The following SMPDL3B variants were observed in gnomAD, a reference collection of about 807,000 sequenced individuals.
SMPDL3B encodes sphingomyelin phosphodiesterase acid like 3B.
SMPDL3B carries 31 observed loss-of-function variants against 37.9 expected under a neutral mutation model. That is an observed-to-expected ratio of 0.82 (90% CI 0.61 to 1.10). The LOEUF is 1.10. Ranked by LOEUF, SMPDL3B falls within the 50% of genes least tolerant of loss-of-function variation. SMPDL3B has a pLI of 0.00. For missense variants in SMPDL3B, 525 were observed against 597.8 expected (o/e 0.88, Z 1.27); for synonymous variants, 235 against 242.6 (o/e 0.97, Z 0.29).
rs752135504 is a variant in SMPDL3B at position 27,945,471 on chromosome 1, C to T, written c.275+26C>T. On this transcript the variant is annotated intron_variant, in intron 2 of 7. Transcript: ENST00000373894. The surrounding 1 kb of genome is among the most constrained non-coding windows in gnomAD (Gnocchi z 4.0). Reference sequence around the variant, plus strand: ...GTGAGTACAGTTGAGGTGGCAGCTACCCTTTGCCAGGCATCTGCTATGTGC... The same window carrying T: ...GTGAGTACAGTTGAGGTGGCAGCTATCCTTTGCCAGGCATCTGCTATGTGC... 6.3e-7 allele frequency: 1 copy of T among 1,592,814 alleles called. No individual in the cohort carries two copies. The highest frequency in any genetic ancestry group is 1.7e-5 in the Admixed American group (1 of 59,774).
chr1:27,957,036 G>A (rs1638309829), intron 7 of SMPDL3B, among the ~76,000 whole-genome samples: 1 of 152,182 alleles, frequency 6.6e-6, no homozygotes, highest in Non-Finnish European at 1.5e-5. Context: ...AGAGGCACAA[G>A]GGGAGAGTGG....
intron 1 of SMPDL3B, among the ~76,000 whole-genome samples, chr1:27,944,750 T>A (rs1248043212): frequency 6.6e-6 from 1 of 151,896 alleles, no homozygotes; most frequent in African/African-American, 2.4e-5. Flanking sequence ...TTTTTTTAAT[T>A]TTCCAAGAAA....
Position 27,959,112 on chromosome 1 carries a change from A to G in SMPDL3B, c.*274A>G. On this transcript the variant is annotated 3_prime_UTR_variant, in exon 8 of 8. Transcript: ENST00000373894. Reference sequence around the variant, plus strand: ...CCCTACAAGCATACTTCTTTTGCGTATTATGTTTAACTCACAAAACAAAGC... The same window carrying G: ...CCCTACAAGCATACTTCTTTTGCGTGTTATGTTTAACTCACAAAACAAAGC... 1 of 453,842 alleles carries G rather than the reference A, an allele frequency of 2.2e-6. No individual in the cohort carries two copies. 28.1% of individuals were successfully genotyped at this position (453,842 alleles called of 1,614,324 possible).
intron 2 of SMPDL3B, among the ~76,000 whole-genome samples, chr1:27,947,237 T>C (rs1022142380): frequency 1.2e-4 from 19 of 152,008 alleles, no homozygotes; most frequent in African/African-American, 3.6e-4. Context: ...GGTTTCTCCA[T>C]GTTGGTGAGA....
chr1:27,936,629 T>C (rs2090309906), intron 1 of SMPDL3B: 1 of 152,210 alleles, frequency 6.6e-6, no homozygotes, highest in South Asian at 2.1e-4. Flanking sequence ...GGCTGTACTA[T>C]GCTTCATGTC....
At position 27,953,345 on chromosome 1, in the gene SMPDL3B, T is replaced by C; in HGVS notation, c.504T>C (p.Ala168=). 6.2e-7 allele frequency: 1 copy of C among 1,610,510 alleles called. No homozygotes were observed. The highest frequency in any genetic ancestry group is 8.5e-7 in the Non-Finnish European group (1 of 1,178,916). Residue 168 remains alanine, a synonymous_variant, in exon 4 of 8, where the codon GCT becomes GCC. Coordinates refer to ENST00000373894, the MANE Select transcript of SMPDL3B (RefSeq NM_014474.4). The stretch of plus-strand genomic sequence containing the variant: ...CCTGGCTTAGTAATGAGTCCATCGC[T>C]CTCTTCAAAAAAGGTACCAACACCA... ...WKPWLSNESI[A]LFKKGAFYCE...
chr1:27,938,619 G>T (rs1375094643), intron 1 of SMPDL3B, among the ~76,000 whole-genome samples: 2 of 152,254 alleles, frequency 1.3e-5, no homozygotes, highest in African/African-American at 4.8e-5. Context: ...CATACACACA[G>T]ATGGTCCCTG....
chr1:27,955,974 C>A lies in SMPDL3B; in HGVS notation c.897C>A (p.Ile299=). Residue 299 remains isoleucine, a synonymous_variant, in exon 7 of 8, where the codon ATC becomes ATA. Coordinates refer to ENST00000373894, the MANE Select transcript of SMPDL3B (RefSeq NM_014474.4). The part of the protein sequence containing the change: ...DAGVPISAMF[I]TPGVTPWKTT... ...GTGTCCCCATAAGCGCCATGTTCATCACACCTGGAGTCACCCCATGGAAAA... is the reference window on the plus strand; with the variant it reads ...GTGTCCCCATAAGCGCCATGTTCATAACACCTGGAGTCACCCCATGGAAAA... 6.2e-7 allele frequency: 1 copy of A among 1,614,104 alleles called. No individual in the cohort carries two copies.
intron 1 of SMPDL3B, among the ~76,000 whole-genome samples, chr1:27,944,012 CAA>C (rs5773206): frequency 1.2e-3 from 108 of 92,268 alleles, no homozygotes; most frequent in Admixed American, 1.6e-3. Flanking sequence ...AACTCTGTCT[CAA>C]AAAAAAAAAA....
chr1:27,951,537 C>G (rs927341357), intron 3 of SMPDL3B, among the ~76,000 whole-genome samples: 1 of 152,202 alleles, frequency 6.6e-6, no homozygotes, highest in African/African-American at 2.4e-5. Flanking sequence ...AACACAGGCA[C>G]GCAAGGCAAA....
chr1:27,940,777 A>C (rs971337314), intron 1 of SMPDL3B, among the ~76,000 whole-genome samples: 16 of 152,226 alleles, frequency 1.1e-4, no homozygotes, highest in Non-Finnish European at 2.2e-4. Flanking sequence ...TAACTTTAAC[A>C]AGATCCCCAG....
rs767384549 is a variant in SMPDL3B at position 27,958,657 on chromosome 1, ACT to A, written c.1189_1190del (p.Val398GlnfsTer25). The stretch of plus-strand genomic sequence containing the variant: ...ACACTGCAGCGCTACTACGTCTATA[ACT>A]CAGTCAGCTACTCTGCTGGGGTCTG... On this transcript the variant is annotated frameshift_variant, in exon 8 of 8. Transcript: ENST00000373894. LOFTEE classifies it low-confidence loss of function (END_TRUNC). This position sits in a 1 kb window ranked among gnomAD's most constrained non-coding sequence, Gnocchi z 5.6. 3.1e-6 allele frequency: 5 copies of A among 1,613,978 alleles called. No homozygotes were observed. Among genetic ancestry groups the A allele is most frequent in the African/African-American group, 1.3e-5 (1 of 75,062 alleles).
At position 27,955,962 on chromosome 1, in the gene SMPDL3B, C is replaced by T. The variant is rs1185586749; in HGVS notation, c.885C>T (p.Ser295=). Residue 295 remains serine (S), a synonymous_variant, in exon 7 of 8, where the codon AGC becomes AGT. Coordinates refer to ENST00000373894, the MANE Select transcript of SMPDL3B (RefSeq NM_014474.4). ...MLYDDAGVPI[S]AMFITPGVTP... is the part of the protein sequence containing the mutation. Reference sequence around the variant, plus strand: ...CTCTCCTGACAGGTGTCCCCATAAGCGCCATGTTCATCACACCTGGAGTCA... The same window carrying T: ...CTCTCCTGACAGGTGTCCCCATAAGTGCCATGTTCATCACACCTGGAGTCA... 1.2e-6 allele frequency: 2 copies of T among 1,614,020 alleles called. No individual in the cohort carries two copies. Among genetic ancestry groups the T allele is most frequent in the Non-Finnish European group, 1.7e-6 (2 of 1,179,996 alleles).
At position 27,935,253 on chromosome 1, in the gene SMPDL3B, C is replaced by T. The variant is rs777329883; in HGVS notation, c.61+9C>T. 2 of 1,603,518 alleles carry T rather than the reference C, an allele frequency of 1.2e-6. No individual in the cohort carries two copies. Among genetic ancestry groups the T allele is most frequent in the Admixed American group, 3.3e-5 (2 of 59,962 alleles). The stretch of plus-strand genomic sequence containing the variant: ...TGCCAGGGCTGAACCAGGTACAGCA[C>T]TGGGAATGTCTGCTATGCCTTTGTT... On this transcript the variant is annotated intron_variant, in intron 1 of 7. Coordinates refer to ENST00000373894, the MANE Select transcript of SMPDL3B (RefSeq NM_014474.4).
intron 3 of SMPDL3B, among the ~76,000 whole-genome samples, chr1:27,952,192 C>T (rs1364995392): frequency 1.3e-5 from 2 of 150,826 alleles, no homozygotes; most frequent in Non-Finnish European, 3.0e-5. Context: ...TAAATGGATT[C>T]TTAATGGCTG....
chr1:27,958,952 C>A lies in SMPDL3B; in HGVS notation c.*114C>A. The A allele has an allele frequency of 1.6e-6, 2 of 1,276,230 alleles. No homozygotes were observed. The highest frequency in any genetic ancestry group is 2.1e-6 in the Non-Finnish European group (2 of 954,024). 79.1% of individuals were successfully genotyped at this position (1,276,230 alleles called of 1,614,324 possible). A position where few individuals can be genotyped will look rare whatever the true frequency, so the allele number is the denominator to read the frequency against. On this transcript the variant is annotated 3_prime_UTR_variant, in exon 8 of 8. Transcript: ENST00000373894. This position sits in a 1 kb window ranked among gnomAD's most constrained non-coding sequence, Gnocchi z 5.6. ...GCCTGAGGAGTGAACTGAAATAGGA[C>A]AACCGAATCAGGAAGCGAAGCCCCA...
intron 5 of SMPDL3B, among the ~76,000 whole-genome samples, chr1:27,954,740 G>T (rs890080338): frequency 6.6e-6 from 1 of 152,176 alleles, no homozygotes; most frequent in African/African-American, 2.4e-5. Flanking sequence ...GGCTCATAAA[G>T]AGTGGTGACG....
Position 27,958,640 on chromosome 1 carries a change from G to C in SMPDL3B, c.1170G>C (p.Gln390His), listed in dbSNP as rs761626098. Residue 390 changes from glutamine (Q) to histidine (H), a missense_variant, in exon 8 of 8, where the codon CAG becomes CAC. Gln to His is a conservative substitution (Grantham distance 24, BLOSUM62 0). Coordinates refer to ENST00000373894, the MANE Select transcript of SMPDL3B (RefSeq NM_014474.4). This position sits in a 1 kb window ranked among gnomAD's most constrained non-coding sequence, Gnocchi z 5.6. ...DRIAGDQSTLQRYYVYNSVSY... is the reference protein window; with the variant it reads ...DRIAGDQSTLHRYYVYNSVSY... ...TCGCTGGCGACCAGAGCACACTGCA[G>C]CGCTACTACGTCTATAACTCAGTCA... The C allele has an allele frequency of 4.3e-6, 7 of 1,613,898 alleles. No homozygotes were observed. Among genetic ancestry groups the C allele is most frequent in the Non-Finnish European group, 5.9e-6 (7 of 1,179,930 alleles).
chr1:27,958,634 A>G lies in SMPDL3B; in HGVS notation c.1164A>G (p.Thr388=), dbSNP rs1268723862. ...VLDRIAGDQS[T]LQRYYVYNSV... is the part of the protein sequence containing the mutation. ...ACCGCATCGCTGGCGACCAGAGCAC[A>G]CTGCAGCGCTACTACGTCTATAACT... The change falls in exon 8 of 8, where the codon ACA becomes ACG. Residue 388 remains threonine, a synonymous_variant. Transcript: ENST00000373894. The surrounding 1 kb of genome is among the most constrained non-coding windows in gnomAD (Gnocchi z 5.6). The G allele has an allele frequency of 1.8e-5, 29 of 1,613,622 alleles. No homozygotes were observed. Among genetic ancestry groups the G allele is most frequent in the Non-Finnish European group, 2.4e-5 (28 of 1,179,822 alleles).
Sources: allele counts gnomAD v4.1 joint callset (sites outside exome capture counted in the v4.1 genomes callset), GRCh38; gene constraint gnomAD v4.1.1; non-coding constraint Gnocchi (gnomAD v3.1); transcripts MANE v1.5; gene names NCBI Gene and HGNC (gene_info 2026-07-23, HGNC 2026-07-21).